Variants in ST8SIA1 observed in about 807,000 individuals in gnomAD.
ST8SIA1 encodes ST8 alpha-N-acetyl-neuraminide alpha-2,8-sialyltransferase 1.
Under a neutral mutation model 35.9 loss-of-function variants are expected in ST8SIA1, and 16 were observed. The observed-to-expected ratio is 0.45, with a 90% CI of 0.30 to 0.68. ST8SIA1 has a LOEUF of 0.68. ST8SIA1 is among the 30% of genes least tolerant of loss of function. The pLI is 0.09. For synonymous variants in ST8SIA1, 170 were observed against 169.6 expected (o/e 1.00, Z -0.02); for missense variants, 383 against 453.6 (o/e 0.84, Z 1.41).
At chr12:22,285,466 C>CT (rs2135815201) in intron 2 of ST8SIA1, among the ~76,000 whole-genome samples, 1 of 152,280 alleles carries the variant, frequency 6.6e-6, no homozygotes, top group East Asian at 1.9e-4. Flanking sequence ...TGTACCTTGC[C>CT]TAAACCCTCA....
chr12:22,238,567 C>T (rs1055155231), intron 4 of ST8SIA1, among the ~76,000 whole-genome samples: 12 of 152,142 alleles, frequency 7.9e-5, no homozygotes, highest in African/African-American at 2.2e-4. Context: ...AATTCCTGAC[C>T]CACAGAAACG....
intron 2 of ST8SIA1, among the ~76,000 whole-genome samples, chr12:22,279,278 C>T (rs1350228850): frequency 6.6e-6 from 1 of 152,176 alleles, no homozygotes; most frequent in African/African-American, 2.4e-5. Context: ...TGAGGTATGG[C>T]TCTAGTAACT....
chr12:22,285,019 A>G (rs1017256167), intron 2 of ST8SIA1, among the ~76,000 whole-genome samples: 3 of 152,212 alleles, frequency 2.0e-5, no homozygotes, highest in Non-Finnish European at 4.4e-5. Flanking sequence ...TCCTCATGCC[A>G]CAACTAGTTT....
At chr12:22,249,423 T>G (rs1865643156) in intron 3 of ST8SIA1, among the ~76,000 whole-genome samples, 1 of 152,096 alleles carries the variant, frequency 6.6e-6, no homozygotes, top group Non-Finnish European at 1.5e-5. Flanking sequence ...AGTTTCACCG[T>G]GTTATCCAGG....
intron 4 of ST8SIA1, among the ~76,000 whole-genome samples, chr12:22,221,165 A>G (rs1865296164): frequency 6.6e-6 from 1 of 152,198 alleles, no homozygotes. Context: ...TCAGACACCT[A>G]CCTTGCCCAC....
At chr12:22,320,685 G>T (rs937983806) in intron 1 of ST8SIA1, among the ~76,000 whole-genome samples, 13 of 151,720 alleles carry the variant, frequency 8.6e-5, no homozygotes, top group African/African-American at 2.7e-4. Context: ...TCTCTACAAA[G>T]ATAAAAATTA....
chr12:22,267,104 C>A (rs1356615536), intron 2 of ST8SIA1, among the ~76,000 whole-genome samples: 1 of 152,150 alleles, frequency 6.6e-6, no homozygotes, highest in Non-Finnish European at 1.5e-5. Flanking sequence ...TAACCATATA[C>A]CAGTCACTGT....
At chr12:22,303,641 T>G (rs911120562) in intron 1 of ST8SIA1, among the ~76,000 whole-genome samples, 1 of 152,224 alleles carries the variant, frequency 6.6e-6, no homozygotes, top group Non-Finnish European at 1.5e-5. Flanking sequence ...TTGTTTTGCT[T>G]AACTGTTTTT....
chr12:22,264,202 C>T (rs1015304565), intron 2 of ST8SIA1, among the ~76,000 whole-genome samples: 1 of 152,120 alleles, frequency 6.6e-6, no homozygotes, highest in African/African-American at 2.4e-5. Context: ...AATGTAATTA[C>T]ATCATTCAGC....
chr12:22,319,839 G>A (rs544777619), intron 1 of ST8SIA1, among the ~76,000 whole-genome samples: 1 of 152,324 alleles, frequency 6.6e-6, no homozygotes, highest in African/African-American at 2.4e-5. Flanking sequence ...TTAGCTAGGA[G>A]GTGTGTTGAT....
At chr12:22,243,863 CT>C (rs1380070871) in intron 4 of ST8SIA1, among the ~76,000 whole-genome samples, 1 of 152,114 alleles carries the variant, frequency 6.6e-6, no homozygotes, top group Admixed American at 6.5e-5. Context: ...GAAACCCCGT[CT>C]CTACAAAAAA....
At chr12:22,310,749 G>A (rs977472510) in intron 1 of ST8SIA1, among the ~76,000 whole-genome samples, 3 of 152,106 alleles carry the variant, frequency 2.0e-5, no homozygotes, top group Non-Finnish European at 4.4e-5. Flanking sequence ...TAGATAGCAT[G>A]TCTTACAATA....
chr12:22,321,003 G>GAAGAAAGAAAGAAAGA (rs1555162777), intron 1 of ST8SIA1, among the ~76,000 whole-genome samples: 176 of 76,552 alleles, frequency 2.3e-3, no homozygotes, highest in Non-Finnish European at 3.3e-3. Context: ...AAGAAAGAAA[G>GAAGAAAGAAAGAAAGA]AAGAAAGAAA....
At chr12:22,333,840 G>A in intron 1 of ST8SIA1, 157 bp downstream of exon 1, 1 of 806,528 alleles carries the variant, frequency 1.2e-6, no homozygotes, top group Non-Finnish European at 2.2e-6. Context: ...AAAGTCTCCA[G>A]GTTGGGAATG....
At chr12:22,313,793 C>T (rs1866482267) in intron 1 of ST8SIA1, among the ~76,000 whole-genome samples, 1 of 152,140 alleles carries the variant, frequency 6.6e-6, no homozygotes, top group Non-Finnish European at 1.5e-5. Context: ...CAGGAAGGTG[C>T]CCCAGGCCAT....
At chr12:22,221,473 G>A (rs2300720) in intron 4 of ST8SIA1, among the ~76,000 whole-genome samples, 66,094 of 152,048 alleles carry the variant, frequency 0.43, 14,632 homozygotes, top group East Asian at 0.58. Context: ...GAATAAAGAC[G>A]AAGAGAGAAA....
At chr12:22,250,649 T>C (rs1265520915) in intron 3 of ST8SIA1, 1 of 152,112 alleles carries the variant, frequency 6.6e-6, no homozygotes, top group Non-Finnish European at 1.5e-5. Flanking sequence ...AACTACTAAA[T>C]TTTCCCTACA....
intron 2 of ST8SIA1, chr12:22,286,530 A>T (rs1327607546): frequency 1.9e-6 from 1 of 517,970 alleles, no homozygotes; most frequent in Non-Finnish European, 3.9e-6. Context: ...GGGTTCCCTA[A>T]AATAAAATTT....
At chr12:22,236,912 A>G (rs1323718437) in intron 4 of ST8SIA1, among the ~76,000 whole-genome samples, 1 of 152,172 alleles carries the variant, frequency 6.6e-6, no homozygotes, top group Admixed American at 6.5e-5. Flanking sequence ...GTTACCGGAA[A>G]GATGTGGAGA....
Sources: gnomAD v4.1 joint callset for allele counts (sites outside exome capture counted in the v4.1 genomes callset) on GRCh38, gnomAD v4.1.1 for gene constraint, MANE v1.5 for transcripts, NCBI Gene and HGNC (gene_info 2026-07-23, HGNC 2026-07-21) for gene names.